Variants in DHRS4L2 observed in about 807,000 individuals in gnomAD.
DHRS4L2 encodes dehydrogenase/reductase SDR family member 4-like 2.
In DHRS4L2, 22 loss-of-function variants were observed where a neutral mutation model predicts 23.9. The observed-to-expected ratio is 0.92, with a 90% CI of 0.66 to 1.31. The LOEUF (loss-of-function observed/expected upper bound fraction) is 1.31. DHRS4L2 is among the 40% of genes most tolerant of loss of function. DHRS4L2 has a pLI of 0.00. For synonymous variants in DHRS4L2, 141 were observed against 123.7 expected (o/e 1.14, Z -0.93); for missense variants, 385 against 303.3 (o/e 1.27, Z -2.00).
At chr14:23,982,389 G>C (rs1232092277) in intron 1 of DHRS4L2, among the ~76,000 whole-genome samples, 1 of 151,640 alleles carries the variant, frequency 6.6e-6, no homozygotes, top group Non-Finnish European at 1.5e-5. Flanking sequence ...GCATCTCAGG[G>C]CAAAGCAATT....
chr14:23,970,075 A>C (rs1157452881), exon 1 of DHRS4L2: 1 of 456,236 alleles, frequency 2.2e-6, no homozygotes, highest in Non-Finnish European at 4.4e-6. Context: ...CCTCTGCAGC[A>C]GCCTCGGCAG....
intron 1 of DHRS4L2, among the ~76,000 whole-genome samples, chr14:23,989,475 G>A (rs3783440): frequency 6.6e-6 from 1 of 150,930 alleles, no homozygotes; most frequent in Non-Finnish European, 1.5e-5. Context: ...TCCAGAAAGT[G>A]TCCCGGAACC....
At chr14:23,974,560 A>C (rs1441414482) in intron 1 of DHRS4L2, among the ~76,000 whole-genome samples, 1 of 151,846 alleles carries the variant, frequency 6.6e-6, no homozygotes, top group African/African-American at 2.4e-5. Context: ...AAAATCATAA[A>C]GGGGATATCA....
At chr14:23,998,271 C>G (rs1206744096) in intron 3 of DHRS4L2, among the ~76,000 whole-genome samples, 2 of 134,652 alleles carry the variant, frequency 1.5e-5, no homozygotes, top group Non-Finnish European at 3.2e-5. Context: ...TAGCGTAAAT[C>G]TTGAGAGCCC....
intron 7 of DHRS4L2, among the ~76,000 whole-genome samples, chr14:24,005,392 G>A (rs1339952727): frequency 4.0e-5 from 6 of 151,594 alleles, no homozygotes; most frequent in South Asian, 4.2e-4. Context: ...TGCAGTCACT[G>A]ATAAAATAAG....
chr14:23,972,110 G>T (rs1017153881), intron 1 of DHRS4L2, among the ~76,000 whole-genome samples: 1 of 152,030 alleles, frequency 6.6e-6, no homozygotes, highest in Non-Finnish European at 1.5e-5. Context: ...ACACACATAG[G>T]CCCAAAATGA....
chr14:23,991,984 C>T (rs560900286), intron 2 of DHRS4L2, among the ~76,000 whole-genome samples: 3 of 151,538 alleles, frequency 2.0e-5, no homozygotes, highest in South Asian at 2.1e-4. Context: ...GATCCACCCC[C>T]TCGGCCTCTC....
At chr14:23,970,394 G>A (rs1446409656) in intron 1 of DHRS4L2, 3 of 380,268 alleles carry the variant, frequency 7.9e-6, no homozygotes, top group Admixed American at 6.0e-5. Context: ...CGGGGCCGTG[G>A]GGGAGGGAAG....
At position 23,970,491 on chromosome 14, in the gene DHRS4L2, G is replaced by A. The variant is rs1489989244; in HGVS notation, c.-176+159G>A. ...AAGCTCTAACTGGGCGGAACCCACC[G>A]CAGCTCAGCAAGGCCTACTGCCTCT... is the stretch of plus-strand genomic sequence containing the variant. On this transcript the variant is annotated intron_variant, in intron 1 of 5. Transcript: ENST00000534993. Among the ~76,000 whole-genome samples the A allele has an allele frequency of 8.5e-5, 13 of 152,126 alleles. No homozygotes were observed. The East Asian group carries it at 1.7e-3, about 20-fold the overall frequency.
chr14:23,992,560 G>C (rs966479472), intron 2 of DHRS4L2, among the ~76,000 whole-genome samples: 2 of 151,288 alleles, frequency 1.3e-5, no homozygotes, highest in African/African-American at 4.9e-5. Context: ...GTGGAAACCA[G>C]AGTAGCTGCC....
At chr14:24,000,729 G>T in intron 3 of DHRS4L2, 134 bp from the exon 4 acceptor site, 1 of 786,426 alleles carries the variant, frequency 1.3e-6, no homozygotes, top group Non-Finnish European at 2.0e-6. Context: ...TCATGTGTAA[G>T]ATGCAGGTAT....
rs45534140 is a variant in DHRS4L2, at chr14:23,990,219, A to G, written c.166A>G (p.Arg56Gly). Residue 56 changes from arginine (R) to glycine (G), a missense_variant, in exon 2 of 8, where the codon AGG becomes GGG. Arg to Gly is a moderately radical substitution (Grantham distance 125). Coordinates refer to ENST00000335125, the MANE Select transcript of DHRS4L2 (RefSeq NM_198083.4). ...FAIARRLAQD[R>G]AHVVVSSRKQ... ...CATCGCCCGGCGTTTGGCCCAGGACAGGGCCCACGTGGTCGTCAGCAGCCG... is the reference window on the plus strand; with the variant it reads ...CATCGCCCGGCGTTTGGCCCAGGACGGGGCCCACGTGGTCGTCAGCAGCCG... The G allele has an allele frequency of 0.025, 40,108 of 1,595,060 alleles. 1,739 individuals are homozygous for G. Among genetic ancestry groups the G allele is most frequent in the Non-Finnish European group, 0.03 (34,416 of 1,163,248 alleles).
intron 3 of DHRS4L2, among the ~76,000 whole-genome samples, chr14:23,999,344 TAAAAAAAAA>T (rs71426825): frequency 0.11 from 5,721 of 53,598 alleles, 213 homozygotes; most frequent in African/African-American, 0.2. Flanking sequence ...CTCCAATTTG[TAAAAAAAAA>T]AAAAAAAAAA....
At chr14:23,992,895 G>A (rs1254067069) in intron 2 of DHRS4L2, among the ~76,000 whole-genome samples, 7 of 146,476 alleles carry the variant, frequency 4.8e-5, no homozygotes, top group Admixed American at 4.1e-4. Flanking sequence ...TTCCCAGGCT[G>A]TTTTGAACTC....
chr14:23,990,995 A>C, intron 2 of DHRS4L2: 1 of 653,812 alleles, frequency 1.5e-6, no homozygotes, highest in Non-Finnish European at 1.9e-6. Context: ...AGTCAATGTC[A>C]TAATTAGTAG....
chr14:23,995,109 T>C lies in DHRS4L2; in HGVS notation c.384T>C (p.Asp128=). The C allele has an allele frequency of 1.2e-6, 2 of 1,612,808 alleles. No homozygotes were observed. The highest frequency in any genetic ancestry group is 1.7e-6 in the Non-Finnish European group (2 of 1,179,392). ...AVNPFFGSLM[D]VTEEVWDKTL... ...ACCCTTTCTTTGGAAGCCTAATGGA[T>C]GTCACCGAGGAGGTGTGGGACAAGG... The change falls in exon 3 of 8, where the codon GAT becomes GAC. Residue 128 remains aspartate (D), a synonymous_variant. Transcript: ENST00000335125.
chr14:23,970,420 G>A lies in DHRS4L2; in HGVS notation c.-176+88G>A, dbSNP rs1384864025. 6 of 361,366 alleles carry A rather than the reference G, an allele frequency of 1.7e-5. No homozygotes were observed. The East Asian group carries it at 3.7e-4, about 22-fold the overall frequency. The allele number at this position is 361,366 out of a possible 1,614,324, so 22.4% of individuals were successfully genotyped here. A position where few individuals can be genotyped will look rare whatever the true frequency, so the allele number is the denominator to read the frequency against. ...GGGAGGGAAGTCCTCCATTGCTAAG[G>A]CTTCAGTAGGCGTTCTATGATCACA... On this transcript the variant is annotated intron_variant, in intron 1 of 5. Coordinates refer to the DHRS4L2 transcript ENST00000534993.
At chr14:23,981,672 T>C (rs2034055780) in intron 1 of DHRS4L2, among the ~76,000 whole-genome samples, 1 of 151,564 alleles carries the variant, frequency 6.6e-6, no homozygotes, top group Admixed American at 6.6e-5. Flanking sequence ...TCAGCATTTA[T>C]TAATTACTAT....
intron 1 of DHRS4L2, 89 bp downstream of exon 1, chr14:23,989,164 C>G: frequency 2.0e-6 from 3 of 1,518,926 alleles, no homozygotes; most frequent in East Asian, 2.5e-5. Context: ...CCCCTGTCCT[C>G]AGACCTCACA....
Sources: gnomAD v4.1 joint callset for allele counts (sites outside exome capture counted in the v4.1 genomes callset) on GRCh38, gnomAD v4.1.1 for gene constraint, MANE v1.5 for transcripts, NCBI Gene and HGNC (gene_info 2026-07-23, HGNC 2026-07-21) for gene names.